KCNB2: variants seen among roughly 807,000 people sequenced by gnomAD.
The protein encoded by KCNB2 is delayed rectifier potassium channel protein.
KCNB2 carries 15 observed loss-of-function variants against 61.5 expected under a neutral mutation model. The observed-to-expected ratio is 0.24, with a 90% CI of 0.16 to 0.38. KCNB2 has a LOEUF of 0.38. KCNB2 is among the 10% of genes least tolerant of loss of function. The pLI, the probability that KCNB2 is intolerant of heterozygous loss-of-function variation, is 1.00. For missense variants in KCNB2, 828 were observed against 1,125.2 expected (o/e 0.74, Z 3.78); for synonymous variants, 457 against 446.0 (o/e 1.02, Z -0.31).
chr8:72,935,512 G>A (rs1040588705), intron 2 of KCNB2, among the ~76,000 whole-genome samples: 10 of 152,170 alleles, frequency 6.6e-5, no homozygotes, highest in Non-Finnish European at 1.3e-4. Context: ...TTTAATTGTA[G>A]AATGAAATTC....
At chr8:72,619,279 T>C in intron 2 of KCNB2, 3 of 618,708 alleles carry the variant, frequency 4.8e-6, no homozygotes, top group Non-Finnish European at 6.3e-6. Flanking sequence ...TTCAGATACC[T>C]GGAACCAGTG....
chr8:72,693,052 T>C (rs1011988882), intron 2 of KCNB2, among the ~76,000 whole-genome samples: 3 of 152,196 alleles, frequency 2.0e-5, no homozygotes, highest in Non-Finnish European at 4.4e-5. Flanking sequence ...TATCATAATA[T>C]TGTGATATCA....
intron 2 of KCNB2, among the ~76,000 whole-genome samples, chr8:72,693,383 C>T (rs146647836): frequency 2.0e-5 from 3 of 152,130 alleles, no homozygotes; most frequent in South Asian, 2.1e-4. Context: ...TGTGTCTGAG[C>T]GTATACCTGC....
chr8:72,664,221 A>T (rs1383681507), intron 2 of KCNB2, among the ~76,000 whole-genome samples: 4 of 152,140 alleles, frequency 2.6e-5, no homozygotes, highest in Non-Finnish European at 5.9e-5. Flanking sequence ...TTTACTCTGC[A>T]GCGCCCTCCC....
chr8:72,636,359 G>A (rs1473970562), intron 2 of KCNB2, among the ~76,000 whole-genome samples: 1 of 152,062 alleles, frequency 6.6e-6, no homozygotes, highest in Non-Finnish European at 1.5e-5. Flanking sequence ...CTGATAGCAA[G>A]CAAACTAGAT....
intron 2 of KCNB2, among the ~76,000 whole-genome samples, chr8:72,761,474 C>T (rs1460228308): frequency 1.3e-5 from 2 of 152,110 alleles, no homozygotes; most frequent in Non-Finnish European, 2.9e-5. Context: ...ACTGTGGTTG[C>T]CAAAGGATAA....
chr8:72,573,325 C>T (rs1237170941), intron 2 of KCNB2, among the ~76,000 whole-genome samples: 2 of 152,126 alleles, frequency 1.3e-5, no homozygotes, highest in Non-Finnish European at 1.5e-5. Flanking sequence ...TCTTTCAGTT[C>T]GAGAACAGAA....
chr8:72,937,705 C>T lies in KCNB2; in HGVS notation c.2350C>T (p.Leu784=), dbSNP rs913759893. Residue 784 remains leucine (L), a synonymous_variant, in exon 3 of 3, where the codon CTG becomes TTG. Coordinates refer to ENST00000523207, the MANE Select transcript of KCNB2 (RefSeq NM_004770.3). ...GCCTTGTCAGGGACCTTCCAAAGGG[C>T]TGTCCCCCAGGTTTCCCAAGCAGAA... is the stretch of plus-strand genomic sequence containing the variant. ...SAPCQGPSKG[L]SPRFPKQKLF... is the part of the protein sequence containing the mutation. The T allele has an allele frequency of 2.5e-6, 4 of 1,613,844 alleles. No homozygotes were observed. In the African/African-American group the frequency reaches 4.0e-5, roughly 16 times the overall value.
rs1585739223 is a variant in KCNB2, at chr8:72,537,721, C to G, written c.-258C>G. 6.6e-6 allele frequency: 1 copy of G among 152,394 alleles called. No homozygotes were observed. The highest frequency in any genetic ancestry group is 1.5e-5 in the Non-Finnish European group (1 of 68,312). 9.4% of individuals were successfully genotyped at this position (152,394 alleles called of 1,614,324 possible). On this transcript the variant is annotated 5_prime_UTR_variant, in exon 1 of 3. Coordinates refer to ENST00000523207, the MANE Select transcript of KCNB2 (RefSeq NM_004770.3). ...AAGCACGCCGGGAGCTCCAGCCAGC[C>G]GGGGAGACCCTCCTCTCTGTGGAGG...
chr8:72,844,726 A>G (rs1351799648), intron 2 of KCNB2, among the ~76,000 whole-genome samples: 5 of 152,188 alleles, frequency 3.3e-5, no homozygotes, highest in Admixed American at 1.3e-4. Context: ...CGCTTAATCA[A>G]TTCGGCTATT....
At chr8:72,776,633 TG>T (rs1808658642) in intron 2 of KCNB2, among the ~76,000 whole-genome samples, 1 of 152,138 alleles carries the variant, frequency 6.6e-6, no homozygotes, top group South Asian at 2.1e-4. Flanking sequence ...CACACATATG[TG>T]GGGTAGGGAC....
intron 2 of KCNB2, among the ~76,000 whole-genome samples, chr8:72,837,055 A>C (rs1809794817): frequency 6.6e-6 from 1 of 152,222 alleles, no homozygotes; most frequent in Admixed American, 6.5e-5. Context: ...ATGGCATCTA[A>C]TTCTATAAAA....
intron 2 of KCNB2, among the ~76,000 whole-genome samples, chr8:72,617,069 A>C (rs72668153): frequency 0.039 from 5,976 of 152,324 alleles, 180 homozygotes; most frequent in Middle Eastern, 0.11. Flanking sequence ...GCAGTGAAAT[A>C]GTGACTGAAT....
At chr8:72,731,598 G>T (rs145005347) in intron 2 of KCNB2, among the ~76,000 whole-genome samples, 2 of 152,172 alleles carry the variant, frequency 1.3e-5, no homozygotes, top group Non-Finnish European at 2.9e-5. Context: ...GCAGTGTGGC[G>T]CTTAGTCACA....
chr8:72,856,343 A>G (rs1324043688), intron 2 of KCNB2, among the ~76,000 whole-genome samples: 3 of 152,172 alleles, frequency 2.0e-5, no homozygotes, highest in Non-Finnish European at 4.4e-5. Flanking sequence ...TGGACTGATC[A>G]CCTCTAAAAT....
At chr8:72,909,444 G>T (rs1806242815) in intron 2 of KCNB2, among the ~76,000 whole-genome samples, 1 of 152,150 alleles carries the variant, frequency 6.6e-6, no homozygotes, top group Admixed American at 6.6e-5. Context: ...AGGCACAGGG[G>T]CAAAAGGTGA....
intron 2 of KCNB2, among the ~76,000 whole-genome samples, chr8:72,752,092 C>A (rs1375188129): frequency 2.0e-5 from 3 of 152,100 alleles, no homozygotes; most frequent in Non-Finnish European, 4.4e-5. Context: ...GGGTGAACTC[C>A]CCACTTTCAG....
intron 2 of KCNB2, among the ~76,000 whole-genome samples, chr8:72,606,353 C>T (rs1296985712): frequency 6.6e-6 from 1 of 151,874 alleles, no homozygotes; most frequent in Non-Finnish European, 1.5e-5. Flanking sequence ...TACTCATAAT[C>T]CAAGTAAAAG....
intron 2 of KCNB2, among the ~76,000 whole-genome samples, chr8:72,682,846 A>C (rs1252509126): frequency 6.6e-6 from 1 of 151,604 alleles, no homozygotes; most frequent in African/African-American, 2.4e-5. Context: ...AGCTCAAGCA[A>C]CCCACCCACC....
Sources: gnomAD v4.1 joint callset for allele counts (sites outside exome capture counted in the v4.1 genomes callset) on GRCh38, gnomAD v4.1.1 for gene constraint, MANE v1.5 for transcripts, NCBI Gene and HGNC (gene_info 2026-07-23, HGNC 2026-07-21) for gene names.